The following STRN variants were observed in gnomAD, a reference collection of about 807,000 sequenced individuals.
The protein encoded by STRN is striatin.
In STRN, 53 loss-of-function variants were observed where a neutral mutation model predicts 96.3. That is an observed-to-expected ratio of 0.55 (90% CI 0.44 to 0.69). The LOEUF (loss-of-function observed/expected upper bound fraction) is 0.69, where lower values mean the gene tolerates loss of function less well. Ranked by LOEUF, STRN falls within the 30% of genes least tolerant of loss-of-function variation. The pLI, the probability that STRN is intolerant of heterozygous loss-of-function variation, is 0.00. For synonymous variants in STRN, 428 were observed against 355.9 expected, an observed-to-expected ratio of 1.20 and a Z score of -2.28; for missense variants, 987 against 963.9, an observed-to-expected ratio of 1.02 and a Z score of -0.32.
chr2:36,945,958 T>C (rs1359281458), intron 1 of STRN, among the ~76,000 whole-genome samples: 1 of 152,104 alleles, frequency 6.6e-6, no homozygotes, highest in East Asian at 1.9e-4. Flanking sequence ...AACTTTAAAA[T>C]AAACTTTTTT....
chr2:36,930,710 G>GA (rs1378089515), intron 1 of STRN, among the ~76,000 whole-genome samples: 2 of 151,954 alleles, frequency 1.3e-5, no homozygotes, highest in African/African-American at 4.8e-5. Context: ...CAAAAAGCAG[G>GA]AAACAGTCTG....
chr2:36,909,561 G>A (rs779398122), intron 3 of STRN, among the ~76,000 whole-genome samples: 1 of 152,068 alleles, frequency 6.6e-6, no homozygotes, highest in Non-Finnish European at 1.5e-5. Context: ...GATTATCCCA[G>A]ACACCACCTA....
In STRN at chr2:36,884,510, G is replaced by A. The variant is rs534406985; in HGVS notation, c.1043-435C>T. 3.3e-5 allele frequency among the ~76,000 whole-genome samples: 5 copies of A among 152,192 alleles called. No individual in the cohort carries two copies. The South Asian group carries it at 8.3e-4, about 25-fold the overall frequency. On this transcript the variant is annotated intron_variant, in intron 8 of 17. Coordinates refer to ENST00000263918, the MANE Select transcript of STRN (RefSeq NM_003162.4). ...CCGAGGTGAAGTCTCATGCCCTACC[G>A]ATTACTTACCTAAACTTTGATTCTT...
chr2:36,933,045 A>ATTTTTT (rs56808546), intron 1 of STRN, among the ~76,000 whole-genome samples: 1 of 141,714 alleles, frequency 7.1e-6, no homozygotes, highest in Non-Finnish European at 1.5e-5. Context: ...TAGAAATTCC[A>ATTTTTT]TTTTTTTTTA....
intron 10 of STRN, among the ~76,000 whole-genome samples, chr2:36,872,698 A>G (rs1327115047): frequency 1.3e-5 from 2 of 152,214 alleles, no homozygotes; most frequent in South Asian, 4.1e-4. Context: ...TTATCTGGAG[A>G]GAGGACTAAG....
At chr2:36,922,143 A>G (rs1432515969) in intron 2 of STRN, among the ~76,000 whole-genome samples, 2 of 152,314 alleles carry the variant, frequency 1.3e-5, no homozygotes, top group African/African-American at 4.8e-5. Flanking sequence ...TAAAGCAAAT[A>G]TAGCAAATCA....
intron 8 of STRN, 92 bp downstream of exon 8, chr2:36,886,624 A>C: frequency 1.0e-6 from 1 of 970,822 alleles, no homozygotes; most frequent in South Asian, 1.7e-5. Context: ...AATGAAAAAG[A>C]GTAAGTAGAT....
Position 36,857,776 on chromosome 2 carries a change from G to A in STRN, c.1837+80C>T, listed in dbSNP as rs1036700621. ...TCAAATTAAATTTAAAGAGTTCAGGGAATCATTTATCTGCTTGCTTATTTT... is the reference window on the plus strand; with the variant it reads ...TCAAATTAAATTTAAAGAGTTCAGGAAATCATTTATCTGCTTGCTTATTTT... On this transcript the variant is annotated intron_variant, in intron 14 of 17. Coordinates refer to ENST00000263918, the MANE Select transcript of STRN (RefSeq NM_003162.4). 11 of 1,198,964 alleles carry A rather than the reference G, an allele frequency of 9.2e-6. No individual in the cohort carries two copies. The Admixed American group carries it at 9.9e-5, about 11-fold the overall frequency. 74.3% of individuals were successfully genotyped at this position (1,198,964 alleles called of 1,614,324 possible). A position where few individuals can be genotyped will look rare whatever the true frequency, so the allele number is the denominator to read the frequency against.
intron 3 of STRN, among the ~76,000 whole-genome samples, chr2:36,915,273 A>ATATATATATATATATATATATAT (rs1670066541): frequency 2.3e-5 from 3 of 132,216 alleles, no homozygotes; most frequent in South Asian, 2.4e-4. Context: ...ATATATATAT[A>ATATATATATATATATATATATAT]AAGCCTCTAG....
chr2:36,962,567 G>A (rs1056182700), intron 1 of STRN, among the ~76,000 whole-genome samples: 1 of 147,796 alleles, frequency 6.8e-6, no homozygotes, highest in African/African-American at 2.5e-5. Flanking sequence ...TCATTCTGTC[G>A]CCAGGCTGGA....
In STRN at chr2:36,869,483, T is replaced by C. The variant is rs142136585; in HGVS notation, c.1499+71A>G. 4,384 of 1,255,808 alleles carry C rather than the reference T, an allele frequency of 3.5e-3. 22 individuals are homozygous for C. The highest frequency in any genetic ancestry group is 0.011 in the Middle Eastern group (52 of 4,860). 77.8% of individuals were successfully genotyped at this position (1,255,808 alleles called of 1,614,324 possible). A position where few individuals can be genotyped will look rare whatever the true frequency, so the allele number is the denominator to read the frequency against. On this transcript the variant is annotated intron_variant, in intron 11 of 17. Coordinates refer to ENST00000263918, the MANE Select transcript of STRN (RefSeq NM_003162.4). ...TGTTTGGGAAATTTAACAGAAATCA[T>C]AAAATATGTAGTTTTCTGCTGAAAA...
At chr2:36,943,888 G>A (rs1309669068) in intron 1 of STRN, among the ~76,000 whole-genome samples, 2 of 152,122 alleles carry the variant, frequency 1.3e-5, no homozygotes, top group African/African-American at 2.4e-5. Flanking sequence ...AGGCAGAGGT[G>A]GGTGGATCAC....
At chr2:36,947,474 A>G (rs556482113) in intron 1 of STRN, among the ~76,000 whole-genome samples, 1 of 151,268 alleles carries the variant, frequency 6.6e-6, no homozygotes, top group East Asian at 1.9e-4. Context: ...TTAAATCTTA[A>G]CCTACAAATT....
At chr2:36,877,357 T>C (rs1264353200) in intron 10 of STRN, among the ~76,000 whole-genome samples, 1 of 152,150 alleles carries the variant, frequency 6.6e-6, no homozygotes, top group Non-Finnish European at 1.5e-5. Context: ...CAAAAACCAA[T>C]AAACAAATCA....
rs1360535223 is a variant in STRN at position 36,841,895 on chromosome 2, G to A, written c.*7561C>T. 1 of 152,238 alleles carries A rather than the reference G, an allele frequency of 6.6e-6. No individual in the cohort carries two copies. Among genetic ancestry groups the A allele is most frequent in the African/African-American group, 2.4e-5 (1 of 41,470 alleles). 9.4% of individuals were successfully genotyped at this position (152,238 alleles called of 1,614,324 possible). On this transcript the variant is annotated 3_prime_UTR_variant, in exon 18 of 18. Coordinates refer to ENST00000263918, the MANE Select transcript of STRN (RefSeq NM_003162.4). ...AGTGGTATACTGCCAGCCCATTGAA[G>A]TTGAAATGGAAGACAATGTGGCTCA...
In STRN at chr2:36,855,947, GAATAT is replaced by G. The variant is rs530479715; in HGVS notation, c.1838-600_1838-596del. On this transcript the variant is annotated intron_variant, in intron 14 of 17. Coordinates refer to ENST00000263918, the MANE Select transcript of STRN (RefSeq NM_003162.4). ...AAAAATAGAAGGAAACATATAAAGTGAATATAATAATCTGATTTTTTTCATTTGGC... is the reference window on the plus strand; with the variant it reads ...AAAAATAGAAGGAAACATATAAAGTGAATAATCTGATTTTTTTCATTTGGC... Among the ~76,000 whole-genome samples the G allele has an allele frequency of 5.2e-3, 795 of 152,092 alleles. 4 individuals are homozygous for G. The highest frequency in any genetic ancestry group is 0.018 in the African/African-American group (738 of 41,478).
At chr2:36,896,102 A>C (rs1422728693) in intron 6 of STRN, among the ~76,000 whole-genome samples, 3 of 152,182 alleles carry the variant, frequency 2.0e-5, no homozygotes, top group South Asian at 2.1e-4. Context: ...ACCACCACCA[A>C]CATCTTACAG....
At chr2:36,892,472 G>A (rs1669426319) in intron 7 of STRN, among the ~76,000 whole-genome samples, 1 of 152,102 alleles carries the variant, frequency 6.6e-6, no homozygotes, top group South Asian at 2.1e-4. Context: ...TATAAATAGG[G>A]TAATCTGTAT....
chr2:36,924,737 GA>G (rs1558655329), intron 2 of STRN, among the ~76,000 whole-genome samples: 1 of 152,144 alleles, frequency 6.6e-6, no homozygotes. Context: ...TAGGAATGAT[GA>G]AAAAAATTAT....
Sources: gnomAD v4.1 joint callset for allele counts (sites outside exome capture counted in the v4.1 genomes callset) on GRCh38, gnomAD v4.1.1 for gene constraint, MANE v1.5 for transcripts, NCBI Gene and HGNC (gene_info 2026-07-23, HGNC 2026-07-21) for gene names.